The following RNF157 variants were observed in gnomAD, a reference collection of about 807,000 sequenced individuals.
RNF157 encodes the protein E3 ubiquitin ligase RNF157.
Under a neutral mutation model 88.3 loss-of-function variants are expected in RNF157, and 55 were observed. The ratio of observed to expected loss-of-function variants is 0.62; its 90% CI spans 0.50 to 0.78. RNF157 has a LOEUF of 0.78. RNF157 is among the 30% of genes least tolerant of loss of function. The probability of loss-of-function intolerance (pLI) is 0.00; values close to 1 mark genes in which losing one functional copy is unlikely to be tolerated. For synonymous variants in RNF157, 334 were observed against 341.2 expected, an observed-to-expected ratio of 0.98 and a Z score of 0.23; for missense variants, 788 against 860.8, an observed-to-expected ratio of 0.92 and a Z score of 1.06.
chr17:76,240,110 GC>G lies in RNF157; in HGVS notation c.88+42del. On this transcript the variant is annotated intron_variant, in intron 1 of 18. Transcript: ENST00000269391. The surrounding 1 kb of genome is among the most constrained non-coding windows in gnomAD (Gnocchi z 4.4). Reference sequence around the variant, plus strand: ...CGTCCCGACCCAGACCCCTGCCCCTGCCCCTCTCCCTCCTCGCGGCTGCGGC... The same window carrying G: ...CGTCCCGACCCAGACCCCTGCCCCTGCCCTCTCCCTCCTCGCGGCTGCGGC... 1.7e-6 allele frequency: 2 copies of G among 1,189,438 alleles called. No individual in the cohort carries two copies. Among genetic ancestry groups the G allele is most frequent in the South Asian group, 3.4e-5 (1 of 29,660 alleles). The allele number at this position is 1,189,438 out of a possible 1,614,324, so 73.7% of individuals were successfully genotyped here. A position where few individuals can be genotyped will look rare whatever the true frequency, so the allele number is the denominator to read the frequency against.
In RNF157 at chr17:76,160,292, G is replaced by C. The variant is rs2068828327; in HGVS notation, c.1066-719C>G. ...CTTGAATGCCTTTTTTTCAAATTAT[G>C]TTCTTGTTATTAAATTATTAGCTCT... On this transcript the variant is annotated intron_variant, in intron 11 of 18. Coordinates refer to ENST00000269391, the MANE Select transcript of RNF157 (RefSeq NM_052916.3). This position sits in a 1 kb window ranked among gnomAD's most constrained non-coding sequence, Gnocchi z 4.3. Among the ~76,000 whole-genome samples, 1 of 151,366 alleles carries C rather than the reference G, an allele frequency of 6.6e-6. No homozygotes were observed. Among genetic ancestry groups the C allele is most frequent in the African/African-American group, 2.4e-5 (1 of 41,140 alleles).
chr17:76,231,593 A>G (rs1397425433), intron 1 of RNF157, among the ~76,000 whole-genome samples: 1 of 152,124 alleles, frequency 6.6e-6, no homozygotes, highest in African/African-American at 2.4e-5. Context: ...GGAGTAGAAG[A>G]TCAGCCTGGG....
rs2070359555 is a variant in RNF157, at chr17:76,240,335, GACTGCCCGCCGCGGCCGGCTCC to G, written c.-117_-96del. On this transcript the variant is annotated 5_prime_UTR_variant, in exon 1 of 19. The change abolishes the stop of an existing upstream ORF in the 5' untranslated region. Coordinates refer to ENST00000269391, the MANE Select transcript of RNF157 (RefSeq NM_052916.3). This position sits in a 1 kb window ranked among gnomAD's most constrained non-coding sequence, Gnocchi z 4.4. ...CCGCCCCGCGCCCGGTGCGGGGGCC[GACTGCCCGCCGCGGCCGGCTCC>G]GCTGCGGCGCTGCGGCTCTGGCGGC... is the stretch of plus-strand genomic sequence containing the variant. The G allele has an allele frequency of 4.3e-6, 2 of 468,202 alleles. No individual in the cohort carries two copies. Among genetic ancestry groups the G allele is most frequent in the Non-Finnish European group, 5.5e-6 (2 of 360,632 alleles). The allele number at this position is 468,202 out of a possible 1,614,324, so 29.0% of individuals were successfully genotyped here.
intron 1 of RNF157, chr17:76,226,462 C>A: frequency 6.2e-7 from 1 of 1,605,010 alleles, no homozygotes; most frequent in Non-Finnish European, 8.5e-7. Flanking sequence ...TGTCATCCAA[C>A]GTGGTCAAAA....
At position 76,162,613 on chromosome 17, in the gene RNF157, AC is replaced by A; in HGVS notation, c.730del (p.Val244SerfsTer27). The A allele has an allele frequency of 1.2e-6, 2 of 1,611,472 alleles. No homozygotes were observed. Among genetic ancestry groups the A allele is most frequent in the Non-Finnish European group, 1.7e-6 (2 of 1,178,828 alleles). On this transcript the variant is annotated frameshift_variant, in exon 9 of 19. Coordinates refer to ENST00000269391, the MANE Select transcript of RNF157 (RefSeq NM_052916.3). LOFTEE classifies it high-confidence loss of function. ...PLKQKQVVDGVSYLLQEIYGI... is the reference protein window; with the variant it reads ...PLKQKQVVDGXSYLLQEIYGI... Reference sequence around the variant, plus strand: ...ATAGATCTCCTGAAGGAGGTAGCTGACCCCGTCTACCTGAACAGCAAACAGA... The same window carrying A: ...ATAGATCTCCTGAAGGAGGTAGCTGACCCGTCTACCTGAACAGCAAACAGA...
intron 1 of RNF157, chr17:76,226,715 A>G (rs2070093899): frequency 2.5e-6 from 4 of 1,611,600 alleles, no homozygotes; most frequent in Admixed American, 1.7e-5. Context: ...TAAGAGACCT[A>G]TGCTTTCTTC....
At chr17:76,163,582 C>T (rs1488136714) in intron 8 of RNF157, 1 of 152,278 alleles carries the variant, frequency 6.6e-6, no homozygotes. Context: ...GGCCCTGCCC[C>T]ATTTACTTTT....
At chr17:76,225,496 G>A (rs935183917) in intron 1 of RNF157, among the ~76,000 whole-genome samples, 7 of 152,016 alleles carry the variant, frequency 4.6e-5, no homozygotes, top group Non-Finnish European at 1.0e-4. Context: ...AGGTCTTCCT[G>A]TTCTATTATT....
chr17:76,208,392 T>C (rs190117907), intron 2 of RNF157, among the ~76,000 whole-genome samples: 25 of 152,326 alleles, frequency 1.6e-4, no homozygotes, highest in African/African-American at 6.0e-4. Context: ...CCTGATCCCT[T>C]ACAGGCTGTG....
At chr17:76,166,969 T>TTG in intron 5 of RNF157, 40 bp downstream of exon 5, 1 of 1,460,780 alleles carries the variant, frequency 6.8e-7, no homozygotes, top group Non-Finnish European at 9.4e-7. Flanking sequence ...CCTAGGCCCT[T>TTG]CTGAGTGGAT....
intron 2 of RNF157, among the ~76,000 whole-genome samples, chr17:76,197,331 G>C (rs1212137049): frequency 2.0e-5 from 3 of 152,146 alleles, no homozygotes; most frequent in Non-Finnish European, 2.9e-5. Flanking sequence ...TCATTGAAAA[G>C]AGAAAATGAG....
rs888292125 is a variant in RNF157, at chr17:76,155,600, G to A, written c.1660C>T (p.Pro554Ser). 1 of 1,613,108 alleles carries A rather than the reference G, an allele frequency of 6.2e-7. No individual in the cohort carries two copies. The highest frequency in any genetic ancestry group is 8.5e-7 in the Non-Finnish European group (1 of 1,179,732). ...GAGGGGGCCCTGCTGGCAGGCTGGG[G>A]GGAAGAGAGAGCCTCTCCCTCCTCT... ...TEEEGEALSS[P>S]QPASRAPSEE... Residue 554 changes from proline (P) to serine (S), a missense_variant, in exon 15 of 19, where the codon CCC becomes TCC. Pro to Ser is a moderately conservative substitution (Grantham distance 74). Transcript: ENST00000269391.
intron 1 of RNF157, among the ~76,000 whole-genome samples, chr17:76,227,923 C>T (rs184486419): frequency 1.8e-4 from 27 of 152,174 alleles, no homozygotes; most frequent in Admixed American, 1.8e-3. Context: ...CCAAATCTAG[C>T]TATATTTATT....
intron 1 of RNF157, among the ~76,000 whole-genome samples, chr17:76,213,146 TA>T (rs1457224001): frequency 6.6e-6 from 1 of 152,238 alleles, no homozygotes; most frequent in African/African-American, 2.4e-5. Flanking sequence ...CTTTTGCCTT[TA>T]AACTTGAAGT....
chr17:76,170,365 A>T (rs2068995090), intron 3 of RNF157, among the ~76,000 whole-genome samples: 2 of 152,168 alleles, frequency 1.3e-5, no homozygotes, highest in South Asian at 4.2e-4. Flanking sequence ...AGTAGCTGGG[A>T]CTACAGGTGT....
Position 76,180,935 on chromosome 17 carries a change from G to A in RNF157, c.208-7145C>T, listed in dbSNP as rs1324694546. 2.0e-5 allele frequency among the ~76,000 whole-genome samples: 3 copies of A among 152,206 alleles called. No individual in the cohort carries two copies. In the East Asian group the frequency reaches 5.8e-4, roughly 29 times the overall value. On this transcript the variant is annotated intron_variant, in intron 2 of 18. Coordinates refer to ENST00000269391, the MANE Select transcript of RNF157 (RefSeq NM_052916.3). ...CCTCTCACCAGCCTGTAAGTTCCGT[G>A]TGTATGCTGGAGGACAGTCCAACAT...
chr17:76,188,543 T>C (rs960965032), intron 2 of RNF157, among the ~76,000 whole-genome samples: 5 of 152,134 alleles, frequency 3.3e-5, no homozygotes, highest in Non-Finnish European at 5.9e-5. Context: ...ATAGCCAAGT[T>C]CCAACTTTAA....
rs2068927008 is a variant in RNF157, at chr17:76,166,484, T to C, written c.605A>G (p.His202Arg). 1 of 1,613,848 alleles carries C rather than the reference T, an allele frequency of 6.2e-7. No homozygotes were observed. The highest frequency in any genetic ancestry group is 1.1e-5 in the South Asian group (1 of 91,076). The change falls in exon 6 of 19, where the codon CAT (histidine) becomes CGT (arginine). Residue 202 changes from histidine to arginine, a missense_variant. Transcript: ENST00000269391. ...ACCGTCTCCTTCATCCACCACGGCA[T>C]GTACCACTAGAGGGTAAACTTCTCG... Reference protein sequence around the residue: ...LDREVYPLVVHAVVDEGDEYF... With the variant: ...LDREVYPLVVRAVVDEGDEYF...
At chr17:76,223,830 T>C (rs1247288857) in intron 1 of RNF157, among the ~76,000 whole-genome samples, 2 of 152,172 alleles carry the variant, frequency 1.3e-5, no homozygotes, top group Non-Finnish European at 2.9e-5. Context: ...GCAAAATAAC[T>C]CTGAACCTCA....
Sources: gnomAD v4.1 joint callset for allele counts (sites outside exome capture counted in the v4.1 genomes callset) on GRCh38, gnomAD v4.1.1 for gene constraint, Gnocchi (gnomAD v3.1) non-coding constraint, MANE v1.5 for transcripts, NCBI Gene and HGNC (gene_info 2026-07-23, HGNC 2026-07-21) for gene names.